The following ACYP2 variants were observed in gnomAD, a reference collection of about 807,000 sequenced individuals.
The protein encoded by ACYP2 is acylphosphatase-2.
In ACYP2, 12 loss-of-function variants were observed where a neutral mutation model predicts 11.2. The observed-to-expected ratio is 1.08, with a 90% confidence interval of 0.69 to 1.74. The LOEUF (loss-of-function observed/expected upper bound fraction) is 1.74, where lower values mean the gene tolerates loss of function less well. Ranked by LOEUF, ACYP2 falls within the 40% of genes most tolerant of loss-of-function variation. ACYP2 has a pLI of 0.00. For missense variants in ACYP2, 134 were observed against 101.9 expected (o/e 1.31, Z -1.35); for synonymous variants, 43 against 32.2 (o/e 1.33, Z -1.13).
intron 6 of ACYP2, among the ~76,000 whole-genome samples, chr2:54,292,155 G>A (rs1426116826): frequency 2.0e-5 from 3 of 152,104 alleles, no homozygotes; most frequent in Admixed American, 2.0e-4. Context: ...GGAATTACCA[G>A]CATGACCAGC....
chr2:54,154,467 C>T (rs1469528821), intron 6 of ACYP2, among the ~76,000 whole-genome samples: 1 of 152,056 alleles, frequency 6.6e-6, no homozygotes, highest in Non-Finnish European at 1.5e-5. Flanking sequence ...TTCTTCTATA[C>T]TAATTTATTA....
intron 6 of ACYP2, among the ~76,000 whole-genome samples, chr2:54,146,116 G>A (rs1681867831): frequency 6.6e-6 from 1 of 152,228 alleles, no homozygotes; most frequent in Admixed American, 6.5e-5. Flanking sequence ...GTGCTTGACT[G>A]ATTGACTTAC....
At chr2:54,201,674 CTTTCTTTCTCTCTCTCTCTCTCTCTTT>C (rs1684830057) in intron 6 of ACYP2, among the ~76,000 whole-genome samples, 3 of 103,782 alleles carry the variant, frequency 2.9e-5, no homozygotes, top group Admixed American at 1.9e-4. Context: ...TTCTTTCTTT[CTTTCTTTCTCTCTCTCTCTCTCTCTTT>C]TTTCTTTTCT....
At chr2:54,287,409 A>G (rs1354071107) in intron 6 of ACYP2, among the ~76,000 whole-genome samples, 1 of 151,952 alleles carries the variant, frequency 6.6e-6, no homozygotes, top group Non-Finnish European at 1.5e-5. Context: ...ATTTTACCAT[A>G]TGAAATTTGG....
chr2:54,220,055 T>A (rs1002524241), intron 6 of ACYP2, among the ~76,000 whole-genome samples: 2 of 151,562 alleles, frequency 1.3e-5, no homozygotes, highest in South Asian at 4.2e-4. Flanking sequence ...TCAAAACACT[T>A]TTGAGCAAAG....
intron 6 of ACYP2, among the ~76,000 whole-genome samples, chr2:54,146,160 A>G (rs923192762): frequency 7.9e-5 from 12 of 152,268 alleles, no homozygotes; most frequent in South Asian, 4.1e-4. Flanking sequence ...TCACACTAAG[A>G]ATTTTGAAGG....
At chr2:54,107,453 C>G (rs1381328874) in intron 4 of ACYP2, among the ~76,000 whole-genome samples, 1 of 152,106 alleles carries the variant, frequency 6.6e-6, no homozygotes, top group Non-Finnish European at 1.5e-5. Flanking sequence ...CCTCTATTGA[C>G]AGAAAGGGAT....
chr2:54,029,991 A>G (rs1046193297), intron 2 of ACYP2: 83 of 243,672 alleles, frequency 3.4e-4, no homozygotes, highest in Middle Eastern at 1.3e-3. Context: ...GGCCCGAGAT[A>G]ATTCCACCAG....
chr2:54,003,168 G>A (rs1672882955), intron 2 of ACYP2, among the ~76,000 whole-genome samples: 1 of 151,704 alleles, frequency 6.6e-6, no homozygotes, highest in Non-Finnish European at 1.5e-5. Flanking sequence ...GGCTGGTCTC[G>A]AACCCCTGGC....
At chr2:54,133,061 A>G (rs1029776327) in intron 4 of ACYP2, among the ~76,000 whole-genome samples, 4 of 152,132 alleles carry the variant, frequency 2.6e-5, no homozygotes, top group African/African-American at 7.2e-5. Flanking sequence ...TTTTTAACAA[A>G]TGCATACAGT....
At chr2:54,092,490 G>A (rs1278849979) in intron 4 of ACYP2, among the ~76,000 whole-genome samples, 1 of 152,140 alleles carries the variant, frequency 6.6e-6, no homozygotes, top group Non-Finnish European at 1.5e-5. Context: ...GTGACAAAGG[G>A]CTAAGATTTA....
In ACYP2 at chr2:54,040,887, G is replaced by C. The variant is rs574392653; in HGVS notation, c.63-10071G>C. Among the ~76,000 whole-genome samples, 43 of 152,224 alleles carry C rather than the reference G, an allele frequency of 2.8e-4. 1 individual carries two copies. Among genetic ancestry groups the C allele is most frequent in the African/African-American group, 9.9e-4 (41 of 41,538 alleles). Reference sequence around the variant, plus strand: ...AGAAATGGAGGTAGTAGCTGAAAGAGGAAGTGAGGTCAACAGAGGGTTTTT... The same window carrying C: ...AGAAATGGAGGTAGTAGCTGAAAGACGAAGTGAGGTCAACAGAGGGTTTTT... On this transcript the variant is annotated intron_variant, in intron 2 of 6. Transcript: ENST00000607452.
chr2:54,130,408 G>A (rs578255009), intron 4 of ACYP2, among the ~76,000 whole-genome samples: 1 of 152,286 alleles, frequency 6.6e-6, no homozygotes, highest in Non-Finnish European at 1.5e-5. Context: ...GAGGAATTAG[G>A]GGGCTGTGGC....
chr2:54,031,395 G>A (rs1001765449), intron 2 of ACYP2, among the ~76,000 whole-genome samples: 10 of 151,382 alleles, frequency 6.6e-5, no homozygotes, highest in East Asian at 1.9e-4. Context: ...CTGTCCTTGC[G>A]ATAGTTTGCT....
At chr2:54,222,481 C>T (rs538723535) in intron 6 of ACYP2, among the ~76,000 whole-genome samples, 78 of 147,530 alleles carry the variant, frequency 5.3e-4, no homozygotes, top group African/African-American at 1.6e-3. Flanking sequence ...ACCCAGGAGG[C>T]GGAGGTTGCA....
intron 6 of ACYP2, chr2:54,141,870 C>T: frequency 1.6e-6 from 1 of 635,984 alleles, no homozygotes; most frequent in Non-Finnish European, 2.9e-6. Flanking sequence ...AAGGGTCTTG[C>T]TCTCTCTCCT....
At chr2:54,007,933 A>G (rs762733548) in intron 2 of ACYP2, among the ~76,000 whole-genome samples, 18 of 152,192 alleles carry the variant, frequency 1.2e-4, no homozygotes, top group Non-Finnish European at 2.2e-4. Flanking sequence ...GGCTACTATC[A>G]TCCTTGCTTT....
chr2:54,178,162 A>ATT (rs1393252555), intron 6 of ACYP2, among the ~76,000 whole-genome samples: 2 of 152,110 alleles, frequency 1.3e-5, no homozygotes, highest in Admixed American at 6.6e-5. Context: ...CTAAAACATG[A>ATT]TTTTTATTGG....
chr2:54,043,072 G>GGGGT (rs1553359986), intron 2 of ACYP2, among the ~76,000 whole-genome samples: 15 of 148,892 alleles, frequency 1.0e-4, no homozygotes, highest in African/African-American at 3.4e-4. Context: ...GTGTGTGTGG[G>GGGGT]GTGTGTGTGT....
Sources: gnomAD v4.1 joint callset for allele counts (sites outside exome capture counted in the v4.1 genomes callset) on GRCh38, gnomAD v4.1.1 for gene constraint, MANE v1.5 for transcripts, NCBI Gene and HGNC (gene_info 2026-07-23, HGNC 2026-07-21) for gene names.